The following ARFGEF1 variants were observed in gnomAD, a reference collection of about 807,000 sequenced individuals.
ARFGEF1 encodes the protein brefeldin A-inhibited guanine nucleotide-exchange protein 1.
ARFGEF1 carries 42 observed loss-of-function variants against 231.0 expected under a neutral mutation model. The ratio of observed to expected loss-of-function variants is 0.18; its 90% CI spans 0.14 to 0.24. ARFGEF1 has a LOEUF of 0.24. Among genes scored for constraint, ARFGEF1 ranks in the 10% least tolerant of loss-of-function variants. The pLI is 1.00. For synonymous variants in ARFGEF1, 710 were observed against 732.3 expected, an observed-to-expected ratio of 0.97 and a Z score of 0.49; for missense variants, 1,345 against 2,192.0, an observed-to-expected ratio of 0.61 and a Z score of 7.72.
At chr8:67,213,234 G>C (rs926070297) in intron 33 of ARFGEF1, among the ~76,000 whole-genome samples, 27 of 152,202 alleles carry the variant, frequency 1.8e-4, no homozygotes, top group Non-Finnish European at 7.3e-5. Flanking sequence ...AATCTGGTCA[G>C]TTGGCGTTAG....
chr8:67,182,169 AT>A (rs1248888836), intron 5 of ARFGEF1, among the ~76,000 whole-genome samples: 1 of 151,890 alleles, frequency 6.6e-6, no homozygotes, highest in Non-Finnish European at 1.5e-5. Flanking sequence ...TGCCTGAATA[AT>A]TTTTGTATTT....
chr8:67,222,452 T>A lies in ARFGEF1; in HGVS notation c.4208+2451A>T, dbSNP rs530638667. Among the ~76,000 whole-genome samples, 18 of 151,460 alleles carry A rather than the reference T, an allele frequency of 1.2e-4. No individual in the cohort carries two copies. The South Asian group carries it at 2.1e-3, about 18-fold the overall frequency. ...GGCTAATTTTTGTATTTGTATTTTT[T>A]AATTTTTATTTTTATTTTGAGACAG... On this transcript the variant is annotated intron_variant, in intron 29 of 38. Coordinates refer to ENST00000262215, the MANE Select transcript of ARFGEF1 (RefSeq NM_006421.5).
chr8:67,324,356 C>T (rs574135003), intron 1 of ARFGEF1, among the ~76,000 whole-genome samples: 28 of 152,262 alleles, frequency 1.8e-4, no homozygotes, highest in African/African-American at 6.5e-4. Context: ...CTTTGCCAAA[C>T]TGTATTCCCA....
At chr8:67,244,397 C>T (rs1225344243) in intron 19 of ARFGEF1, among the ~76,000 whole-genome samples, 2 of 134,386 alleles carry the variant, frequency 1.5e-5, no homozygotes, top group Admixed American at 7.6e-5. Context: ...TAACCTCCAC[C>T]TCCCAGGCTC....
At chr8:67,331,378 T>A (rs1808090513) in intron 1 of ARFGEF1, among the ~76,000 whole-genome samples, 1 of 152,080 alleles carries the variant, frequency 6.6e-6, no homozygotes, top group Admixed American at 6.6e-5. Flanking sequence ...GGTGGAGCGC[T>A]CATGAATGGA....
At chr8:67,318,154 G>A (rs1341873413) in intron 1 of ARFGEF1, among the ~76,000 whole-genome samples, 4 of 149,920 alleles carry the variant, frequency 2.7e-5, no homozygotes, top group South Asian at 2.1e-4. Context: ...GGAGAATGGC[G>A]TGAACCCGGG....
At chr8:67,192,149 T>C (rs1836505426) in intron 5 of ARFGEF1, among the ~76,000 whole-genome samples, 1 of 150,690 alleles carries the variant, frequency 6.6e-6, no homozygotes, top group South Asian at 2.1e-4. Flanking sequence ...CTCAGTGCAC[T>C]GCACCCTCTG....
intron 1 of ARFGEF1, among the ~76,000 whole-genome samples, chr8:67,309,044 A>C (rs1203509388): frequency 6.6e-6 from 1 of 152,242 alleles, no homozygotes; most frequent in Non-Finnish European, 1.5e-5. Flanking sequence ...CTAATAAAAT[A>C]TACACAATGG....
intron 1 of ARFGEF1, among the ~76,000 whole-genome samples, chr8:67,333,913 G>A (rs192237074): frequency 5.9e-5 from 9 of 152,144 alleles, no homozygotes; most frequent in South Asian, 2.1e-4. Flanking sequence ...CAAGGTCAGC[G>A]GATCACCTGA....
intron 18 of ARFGEF1, among the ~76,000 whole-genome samples, chr8:67,252,179 G>A (rs1012483296): frequency 1.3e-5 from 2 of 151,256 alleles, no homozygotes; most frequent in African/African-American, 4.9e-5. Flanking sequence ...GGCTGAGGCA[G>A]GAGAATTGCT....
intron 5 of ARFGEF1, among the ~76,000 whole-genome samples, chr8:67,183,939 G>A (rs1408025763): frequency 2.2e-5 from 3 of 136,034 alleles, no homozygotes; most frequent in East Asian, 2.4e-4. Flanking sequence ...TGCAACCTCC[G>A]CCTCCCGGGT....
chr8:67,288,814 C>T (rs1805872853), intron 6 of ARFGEF1, among the ~76,000 whole-genome samples: 1 of 152,104 alleles, frequency 6.6e-6, no homozygotes, highest in Non-Finnish European at 1.5e-5. Context: ...ATGGTGAGGT[C>T]CCTGAAGAAG....
At chr8:67,290,961 T>TA (rs1335921383) in intron 6 of ARFGEF1, among the ~76,000 whole-genome samples, 33 of 151,018 alleles carry the variant, frequency 2.2e-4, no homozygotes, top group Middle Eastern at 3.4e-3. Flanking sequence ...AGGCATGGTT[T>TA]TAAAAAAAAA....
intron 6 of ARFGEF1, among the ~76,000 whole-genome samples, chr8:67,288,853 C>T (rs1805874471): frequency 6.6e-6 from 1 of 152,044 alleles, no homozygotes; most frequent in Admixed American, 6.6e-5. Context: ...TACTTTCTGG[C>T]CCTTCCTATT....
At chr8:67,281,436 A>T (rs771443709) in intron 7 of ARFGEF1, among the ~76,000 whole-genome samples, 2 of 152,168 alleles carry the variant, frequency 1.3e-5, no homozygotes, top group African/African-American at 4.8e-5. Context: ...AGCATCTTTT[A>T]ATCAAACAAG....
intron 29 of ARFGEF1, among the ~76,000 whole-genome samples, chr8:67,222,573 C>T (rs983255630): frequency 3.3e-5 from 5 of 152,114 alleles, no homozygotes; most frequent in Non-Finnish European, 5.9e-5. Context: ...GCCTCAGCCT[C>T]CTAAGTAGCT....
intron 1 of ARFGEF1, among the ~76,000 whole-genome samples, chr8:67,304,182 T>C (rs1379093115): frequency 6.6e-6 from 1 of 152,238 alleles, no homozygotes; most frequent in African/African-American, 2.4e-5. Flanking sequence ...CCAGATACTG[T>C]ATTAAACCCT....
chr8:67,301,591 A>C (rs1484414477), intron 2 of ARFGEF1, among the ~76,000 whole-genome samples: 2 of 152,202 alleles, frequency 1.3e-5, no homozygotes, highest in Non-Finnish European at 2.9e-5. Flanking sequence ...ACTAACCACA[A>C]GACGCTGAAA....
At chr8:67,311,426 C>T (rs1331285961) in intron 1 of ARFGEF1, among the ~76,000 whole-genome samples, 7 of 132,480 alleles carry the variant, frequency 5.3e-5, no homozygotes, top group East Asian at 2.4e-4. Flanking sequence ...GGGGGGTCAG[C>T]CCCCCGCCCG....
Sources: allele counts gnomAD v4.1 joint callset (sites outside exome capture counted in the v4.1 genomes callset), GRCh38; gene constraint gnomAD v4.1.1; transcripts MANE v1.5; gene names NCBI Gene and HGNC (gene_info 2026-07-23, HGNC 2026-07-21).